POGLUT3: variants seen among roughly 807,000 people sequenced by gnomAD.
POGLUT3 encodes the protein protein O-glucosyltransferase 3.
POGLUT3 carries 48 observed loss-of-function variants against 54.3 expected under a neutral mutation model. The observed-to-expected ratio is 0.88, with a 90% confidence interval of 0.70 to 1.12. POGLUT3 has a LOEUF of 1.12. Ranked by LOEUF, POGLUT3 falls within the 50% of genes most tolerant of loss-of-function variation. The probability of loss-of-function intolerance (pLI) is 0.00; values close to 1 mark genes in which losing one functional copy is unlikely to be tolerated. For missense variants in POGLUT3, 629 were observed against 618.7 expected, an observed-to-expected ratio of 1.02 and a Z score of -0.18; for synonymous variants, 218 against 237.4, an observed-to-expected ratio of 0.92 and a Z score of 0.75.
intron 3 of POGLUT3, among the ~76,000 whole-genome samples, chr11:108,485,429 C>T (rs1028698301): frequency 8.6e-5 from 13 of 152,046 alleles, no homozygotes; most frequent in African/African-American, 1.9e-4. Context: ...GAATTTGAGA[C>T]CAGCCTGCTC....
intron 3 of POGLUT3, among the ~76,000 whole-genome samples, chr11:108,484,031 G>C (rs986641306): frequency 1.3e-5 from 2 of 152,110 alleles, no homozygotes; most frequent in African/African-American, 2.4e-5. Context: ...CTGTGGAGTA[G>C]GGTTTCTCAA....
At chr11:108,487,827 GTC>G (rs2093606390) in intron 2 of POGLUT3, among the ~76,000 whole-genome samples, 1 of 152,122 alleles carries the variant, frequency 6.6e-6, no homozygotes, top group South Asian at 2.1e-4. Context: ...GGCCAGGCTG[GTC>G]TCAAACTTCT....
At chr11:108,487,153 C>T (rs1430385328) in intron 2 of POGLUT3, among the ~76,000 whole-genome samples, 1 of 152,222 alleles carries the variant, frequency 6.6e-6, no homozygotes, top group Non-Finnish European at 1.5e-5. Context: ...TTTCAACCAA[C>T]TGCCAATCAG....
At chr11:108,477,911 G>A (rs2135845783) in intron 6 of POGLUT3, 200 bp from the exon 7 acceptor site, 1 of 562,244 alleles carries the variant, frequency 1.8e-6, no homozygotes, top group Non-Finnish European at 3.1e-6. Context: ...TACTTTGGGG[G>A]CCCAAAGCTA....
Position 108,490,970 on chromosome 11 carries a change from C to T in POGLUT3, c.400G>A (p.Gly134Arg). 1.2e-6 allele frequency: 2 copies of T among 1,612,596 alleles called. No homozygotes were observed. The highest frequency in any genetic ancestry group is 1.7e-6 in the Non-Finnish European group (2 of 1,178,726). ...HVAQSPYILK[G>R]PVYHEYCECP... ...TCTGGAGTATATAATAATCACTTAC[C>T]TTTCAAAATATAGGGAGACTGAGCC... is the stretch of plus-strand genomic sequence containing the variant. The change falls in exon 2 of 8, where the codon GGA (glycine) becomes AGA (arginine). Residue 134 changes from glycine (G) to arginine (R), a missense_variant and splice_region_variant. Transcript: ENST00000323468.
rs1435796951 is a variant in POGLUT3, at chr11:108,482,046, C to G, written c.861G>C (p.Arg287=). The G allele has an allele frequency of 1.9e-6, 3 of 1,614,114 alleles. No individual in the cohort carries two copies. The highest frequency in any genetic ancestry group is 1.7e-6 in the Non-Finnish European group (2 of 1,179,986). The change falls in exon 4 of 8, where the codon CGG becomes CGC. Residue 287 remains arginine, a synonymous_variant. Coordinates refer to ENST00000323468, the MANE Select transcript of POGLUT3 (RefSeq NM_153705.5). ...DITHSMLEAM[R]GVTNDLLSIQ... ...TAGAGAGGAGATCATTTGTAACACC[C>G]CGCATGGCTTCAAGCATGGAGTGGG...
chr11:108,498,177 G>T lies in POGLUT3; in HGVS notation c.190C>A (p.Arg64Ser), dbSNP rs1198133386. The T allele has an allele frequency of 2.0e-6, 3 of 1,517,036 alleles. No homozygotes were observed. The highest frequency in any genetic ancestry group is 1.7e-4 in the Middle Eastern group (1 of 5,736). 94.0% of individuals were successfully genotyped at this position (1,517,036 alleles called of 1,614,324 possible). A position where few individuals can be genotyped will look rare whatever the true frequency, so the allele number is the denominator to read the frequency against. The change falls in exon 1 of 8, where the codon CGC (arginine) becomes AGC (serine). Residue 64 changes from arginine to serine, a missense_variant. Transcript: ENST00000323468. ...AVNSEGQNLT[R>S]SPAGETPFKV... Reference sequence around the variant, plus strand: ...GGCTGGACACTACCTGCGGGAGAGCGAGTGAGGTTCTGGCCCTCCGAGTTG... The same window carrying T: ...GGCTGGACACTACCTGCGGGAGAGCTAGTGAGGTTCTGGCCCTCCGAGTTG...
chr11:108,488,468 T>A (rs1165409731), intron 2 of POGLUT3, among the ~76,000 whole-genome samples: 4 of 152,144 alleles, frequency 2.6e-5, no homozygotes, highest in Non-Finnish European at 5.9e-5. Context: ...GGAGGGGGAC[T>A]GTAGGCAAAG....
At chr11:108,488,540 T>C (rs2093607738) in intron 2 of POGLUT3, among the ~76,000 whole-genome samples, 1 of 152,166 alleles carries the variant, frequency 6.6e-6, no homozygotes, top group Non-Finnish European at 1.5e-5. Flanking sequence ...AAGGCAGCTC[T>C]AGACTTTGTA....
chr11:108,479,196 T>A (rs2093587759), intron 6 of POGLUT3, 105 bp downstream of exon 6: 1 of 760,982 alleles, frequency 1.3e-6, no homozygotes, highest in South Asian at 2.2e-5. Context: ...AAAATAATAT[T>A]TCTTTTCATT....
At chr11:108,486,698 T>C (rs1023560851) in intron 2 of POGLUT3, 1 of 439,206 alleles carries the variant, frequency 2.3e-6, no homozygotes, top group Non-Finnish European at 4.1e-6. Flanking sequence ...AATTCATCTC[T>C]AATAAGGTAT....
chr11:108,490,885 C>A, intron 2 of POGLUT3, 85 bp downstream of exon 2: 1 of 941,282 alleles, frequency 1.1e-6, no homozygotes. Flanking sequence ...CTGCACATGA[C>A]TTTGAGGTCA....
rs928570084 is a variant in POGLUT3, at chr11:108,473,850, T to A, written c.*977A>T. On this transcript the variant is annotated 3_prime_UTR_variant, in exon 8 of 8. Transcript: ENST00000323468. Reference sequence around the variant, plus strand: ...GGAATTACTAACTTAAGGTACAATTTCTCCTTAATGTTGTCTCGGGCTTTG... The same window carrying A: ...GGAATTACTAACTTAAGGTACAATTACTCCTTAATGTTGTCTCGGGCTTTG... 1.3e-5 allele frequency: 2 copies of A among 152,226 alleles called. No individual in the cohort carries two copies. Among genetic ancestry groups the A allele is most frequent in the Admixed American group, 6.5e-5 (1 of 15,286 alleles). The allele number at this position is 152,226 out of a possible 1,614,324, so 9.4% of individuals were successfully genotyped here. A position where few individuals can be genotyped will look rare whatever the true frequency, so the allele number is the denominator to read the frequency against.
At chr11:108,479,642 C>A in intron 5 of POGLUT3, 147 bp from the exon 6 acceptor site, 1 of 521,312 alleles carries the variant, frequency 1.9e-6, no homozygotes, top group Non-Finnish European at 3.3e-6. Flanking sequence ...TTATAACTTA[C>A]ATCTTCTCTT....
At chr11:108,477,374 G>T (rs1453205951) in intron 7 of POGLUT3, among the ~76,000 whole-genome samples, 1 of 152,164 alleles carries the variant, frequency 6.6e-6, no homozygotes, top group African/African-American at 2.4e-5. Flanking sequence ...ACTCCAGCCT[G>T]CATGACAGAG....
intron 3 of POGLUT3, among the ~76,000 whole-genome samples, chr11:108,484,460 GT>G (rs900579421): frequency 2.0e-5 from 3 of 151,796 alleles, no homozygotes; most frequent in Admixed American, 6.6e-5. Context: ...GGAAAACTGT[GT>G]TTTTTTTGGT....
Position 108,490,983 on chromosome 11 carries a change from G to A in POGLUT3, c.387C>T (p.Pro129=), listed in dbSNP as rs1334714107. 6.2e-7 allele frequency: 1 copy of A among 1,613,358 alleles called. No individual in the cohort carries two copies. Among genetic ancestry groups the A allele is most frequent in the Non-Finnish European group, 8.5e-7 (1 of 1,179,532 alleles). Residue 129 remains proline (P), a synonymous_variant, in exon 2 of 8, where the codon CCC becomes CCT. Coordinates refer to ENST00000323468, the MANE Select transcript of POGLUT3 (RefSeq NM_153705.5). ...LYGDEHVAQS[P]YILKGPVYHE... ...ATAATCACTTACCTTTCAAAATATA[G>A]GGAGACTGAGCCACATGTTCATCAC...
At chr11:108,498,082 G>T in intron 1 of POGLUT3, 83 bp downstream of exon 1, 1 of 1,243,068 alleles carries the variant, frequency 8.0e-7, no homozygotes, top group Non-Finnish European at 1.1e-6. Context: ...GGGACGCCAC[G>T]CAGGCCGCGG....
At chr11:108,491,206 T>A in intron 1 of POGLUT3, 39 bp from the exon 2 acceptor site, 6 of 1,495,706 alleles carry the variant, frequency 4.0e-6, no homozygotes, top group Non-Finnish European at 5.6e-6. Flanking sequence ...TACCATGTCA[T>A]GATAATGATT....
Sources: allele counts gnomAD v4.1 joint callset (sites outside exome capture counted in the v4.1 genomes callset), GRCh38; gene constraint gnomAD v4.1.1; transcripts MANE v1.5; gene names NCBI Gene and HGNC (gene_info 2026-07-23, HGNC 2026-07-21).